Variants in ADSS2 observed in about 807,000 individuals in gnomAD.
The protein encoded by ADSS2 is adenylosuccinate synthetase isozyme 2.
In ADSS2, 30 loss-of-function variants were observed where a neutral mutation model predicts 60.0. The ratio of observed to expected loss-of-function variants is 0.50; its 90% CI spans 0.37 to 0.68. The LOEUF (loss-of-function observed/expected upper bound fraction) is 0.68, where lower values mean the gene tolerates loss of function less well. Ranked by LOEUF, ADSS2 falls within the 30% of genes least tolerant of loss-of-function variation. The pLI is 0.00. For missense variants in ADSS2, 373 were observed against 554.8 expected, an observed-to-expected ratio of 0.67 and a Z score of 3.29; for synonymous variants, 187 against 193.1, an observed-to-expected ratio of 0.97 and a Z score of 0.26.
intron 4 of ADSS2, 146 bp downstream of exon 4, chr1:244,432,399 A>AT: frequency 1.8e-6 from 1 of 564,190 alleles, no homozygotes; most frequent in Non-Finnish European, 2.9e-6. Flanking sequence ...ATTAGTAAGT[A>AT]TTTTTTGTAT....
At position 244,451,716 on chromosome 1, in the gene ADSS2, G is replaced by A. The variant is rs1445024807; in HGVS notation, c.102C>T (p.Leu34=). The A allele has an allele frequency of 1.2e-6, 2 of 1,611,412 alleles. No individual in the cohort carries two copies. The highest frequency in any genetic ancestry group is 1.3e-5 in the African/African-American group (1 of 74,810). The change falls in exon 1 of 13, where the codon CTC becomes CTT. Residue 34 remains leucine (L), a synonymous_variant. Coordinates refer to ENST00000366535, the MANE Select transcript of ADSS2 (RefSeq NM_001126.5). The surrounding 1 kb of genome is among the most constrained non-coding windows in gnomAD (Gnocchi z 6.6). ...TGCCTTCGTCGCCCCACTGCGCACCGAGCACCACCGTCACCCGGTTTCCTC... is the reference window on the plus strand; with the variant it reads ...TGCCTTCGTCGCCCCACTGCGCACCAAGCACCACCGTCACCCGGTTTCCTC... ...RPGGNRVTVV[L]GAQWGDEGKG...
In ADSS2 at chr1:244,417,599, T is replaced by C. The variant is rs755473858; in HGVS notation, c.1070+29A>G. ...TGGCCATTAATCATCTATGATTTCC[T>C]GAAATAAATGTTTCTGAAGAATACT... On this transcript the variant is annotated intron_variant, in intron 10 of 12. Transcript: ENST00000366535. 3.1e-6 allele frequency: 5 copies of C among 1,608,632 alleles called. No individual in the cohort carries two copies. The African/African-American group carries it at 5.4e-5, about 17-fold the overall frequency.
intron 4 of ADSS2, among the ~76,000 whole-genome samples, chr1:244,426,076 T>TA (rs1338072714): frequency 6.6e-6 from 1 of 152,184 alleles, no homozygotes; most frequent in Non-Finnish European, 1.5e-5. Flanking sequence ...AGGGTTAGTT[T>TA]ATCATCATGT....
chr1:244,429,214 C>T (rs1026685885), intron 4 of ADSS2, among the ~76,000 whole-genome samples: 1 of 152,180 alleles, frequency 6.6e-6, no homozygotes, highest in East Asian at 1.9e-4. Context: ...GCCAGAGGAT[C>T]CATAATCAAG....
At chr1:244,416,810 C>A (rs1234454853) in intron 10 of ADSS2, among the ~76,000 whole-genome samples, 1 of 152,180 alleles carries the variant, frequency 6.6e-6, no homozygotes, top group African/African-American at 2.4e-5. Flanking sequence ...CTCTACCCTT[C>A]TGGTCAGAAA....
intron 4 of ADSS2, among the ~76,000 whole-genome samples, chr1:244,430,735 A>T (rs1044050604): frequency 6.6e-6 from 1 of 152,260 alleles, no homozygotes; most frequent in Non-Finnish European, 1.5e-5. Flanking sequence ...AATAAAGCTA[A>T]TGAGTAGTAA....
chr1:244,445,504 C>T (rs951836566), intron 1 of ADSS2, among the ~76,000 whole-genome samples: 2 of 152,010 alleles, frequency 1.3e-5, no homozygotes, highest in African/African-American at 2.4e-5. Context: ...TTAAGGAAGT[C>T]GGAAGACAAG....
intron 4 of ADSS2, 62 bp from the exon 5 acceptor site, chr1:244,424,449 G>C (rs368627472): frequency 1.4e-5 from 19 of 1,347,062 alleles, no homozygotes. Context: ...AAAATCCACC[G>C]CATTTCAAAT....
intron 1 of ADSS2, among the ~76,000 whole-genome samples, chr1:244,449,187 C>CA (rs1431168676): frequency 6.6e-6 from 1 of 152,002 alleles, no homozygotes; most frequent in Non-Finnish European, 1.5e-5. Flanking sequence ...CTATTGTTTC[C>CA]AAAAAGGCAT....
chr1:244,435,945 G>C (rs1031248674), intron 3 of ADSS2, among the ~76,000 whole-genome samples: 10 of 152,268 alleles, frequency 6.6e-5, no homozygotes, highest in Admixed American at 2.6e-4. Context: ...ACCACAGTTG[G>C]CACATCCAGC....
chr1:244,418,701 G>GA (rs1021906636), intron 9 of ADSS2, 59 bp downstream of exon 9: 109 of 1,456,014 alleles, frequency 7.5e-5, no homozygotes, highest in South Asian at 2.0e-4. Context: ...AATTCATTAA[G>GA]AAAAAAAAGA....
At chr1:244,427,834 A>G (rs762631509) in intron 4 of ADSS2, among the ~76,000 whole-genome samples, 6 of 152,198 alleles carry the variant, frequency 3.9e-5, no homozygotes, top group Non-Finnish European at 8.8e-5. Flanking sequence ...CTTTCCTACT[A>G]ACAGTACCAG....
chr1:244,422,945 AC>A, intron 6 of ADSS2, 29 bp from the exon 7 acceptor site: 1 of 1,372,672 alleles, frequency 7.3e-7, no homozygotes, highest in Non-Finnish European at 1.0e-6. Flanking sequence ...TCAAGACATT[AC>A]CACTCTGTGA....
intron 1 of ADSS2, among the ~76,000 whole-genome samples, chr1:244,438,833 G>A (rs559298465): frequency 2.6e-4 from 39 of 152,106 alleles, no homozygotes; most frequent in African/African-American, 9.2e-4. Flanking sequence ...ACAAGCATAT[G>A]AGTAATAATT....
intron 11 of ADSS2, among the ~76,000 whole-genome samples, chr1:244,413,023 G>A (rs1664448564): frequency 6.6e-6 from 1 of 152,162 alleles, no homozygotes; most frequent in Non-Finnish European, 1.5e-5. Flanking sequence ...GAAGCACTGG[G>A]CCTACTAAGG....
chr1:244,419,476 T>C (rs1171042178), intron 8 of ADSS2, among the ~76,000 whole-genome samples: 3 of 152,200 alleles, frequency 2.0e-5, no homozygotes, highest in Non-Finnish European at 4.4e-5. Flanking sequence ...AGACACTCTG[T>C]TTTCTTTCCA....
intron 1 of ADSS2, among the ~76,000 whole-genome samples, chr1:244,446,642 G>A (rs1264548740): frequency 1.5e-5 from 2 of 131,414 alleles, no homozygotes; most frequent in Non-Finnish European, 3.2e-5. Flanking sequence ...AGTGGAAAGG[G>A]GCCTTGCCTG....
rs1572154286 is a variant in ADSS2, at chr1:244,451,132, G to A, written c.183+503C>T. On this transcript the variant is annotated intron_variant, in intron 1 of 12. Transcript: ENST00000366535. The surrounding 1 kb of genome is among the most constrained non-coding windows in gnomAD (Gnocchi z 6.6). ...GCCACGGTCCTGCAGATGGGGGATC[G>A]GTGAGTCTGATTTCAGGACGTTTCG... 6.6e-6 allele frequency among the ~76,000 whole-genome samples: 1 copy of A among 152,286 alleles called. No homozygotes were observed. Among genetic ancestry groups the A allele is most frequent in the Middle Eastern group, 3.4e-3 (1 of 294 alleles).
intron 1 of ADSS2, among the ~76,000 whole-genome samples, chr1:244,441,873 G>A (rs1256886293): frequency 2.6e-5 from 4 of 152,048 alleles, no homozygotes; most frequent in East Asian, 1.9e-4. Context: ...GGAGAATGGC[G>A]TGAACCCAGG....
Sources: allele counts gnomAD v4.1 joint callset (sites outside exome capture counted in the v4.1 genomes callset), GRCh38; gene constraint gnomAD v4.1.1; non-coding constraint Gnocchi (gnomAD v3.1); transcripts MANE v1.5; gene names NCBI Gene and HGNC (gene_info 2026-07-23, HGNC 2026-07-21).